TENM1: variants seen among roughly 807,000 people sequenced by gnomAD.
TENM1 encodes teneurin transmembrane protein 1.
In TENM1, 35 loss-of-function variants were observed where a neutral mutation model predicts 174.8. That is an observed-to-expected ratio of 0.20 (90% CI 0.15 to 0.27). The LOEUF (loss-of-function observed/expected upper bound fraction) is 0.27. Ranked by LOEUF, TENM1 falls within the 10% of genes least tolerant of loss-of-function variation. The pLI is 1.00. For missense variants in TENM1, 1,633 were observed against 2,130.1 expected (o/e 0.77, Z 4.59); for synonymous variants, 781 against 798.7 (o/e 0.98, Z 0.37).
At chrX:124,562,714 C>T (rs769751919) in intron 13 of TENM1, among the ~76,000 whole-genome samples, 1 of 112,733 alleles carries the variant, frequency 8.9e-6, no homozygotes, top group Non-Finnish European at 1.9e-5. Flanking sequence ...ACTTCACATG[C>T]GCCACATGCG....
chrX:125,088,353 G>C, the TENM1 span, among the ~76,000 whole-genome samples: 1 of 111,078 alleles, frequency 9.0e-6, no homozygotes. Context: ...ATGGGATCCT[G>C]CAACAGAAAA....
chrX:125,004,748 A>T, the TENM1 span, among the ~76,000 whole-genome samples: 2 of 111,997 alleles, frequency 1.8e-5, no homozygotes, highest in East Asian at 2.8e-4. Flanking sequence ...TAACTCCAAG[A>T]CATCATCATA....
intron 4 of TENM1, among the ~76,000 whole-genome samples, chrX:124,722,834 C>T (rs1227536738): frequency 2.5e-5 from 2 of 81,434 alleles, no homozygotes; most frequent in Non-Finnish European, 4.6e-5. Flanking sequence ...AGAGAGACTC[C>T]GTCTCAAAAA....
At chrX:124,864,724 C>T (rs1323781447) in intron 3 of TENM1, among the ~76,000 whole-genome samples, 1 of 110,529 alleles carries the variant, frequency 9.0e-6, no homozygotes, top group African/African-American at 3.3e-5. Context: ...CTTCCCAAAC[C>T]TAGAGAAACA....
the TENM1 span, among the ~76,000 whole-genome samples, chrX:125,183,859 G>C: frequency 1.8e-5 from 2 of 111,786 alleles, no homozygotes; most frequent in Non-Finnish European, 3.8e-5. Flanking sequence ...CAATTTAATT[G>C]CTAATCTTGA....
chrX:124,960,848 A>G (rs768618976), intron 1 of TENM1, among the ~76,000 whole-genome samples: 55 of 112,253 alleles, frequency 4.9e-4, no homozygotes, highest in African/African-American at 1.6e-3. Flanking sequence ...AGCCAAAAAC[A>G]TTTCCATAGG....
chrX:124,586,780 T>C (rs1472282425), intron 11 of TENM1, among the ~76,000 whole-genome samples: 1 of 105,983 alleles, frequency 9.4e-6, no homozygotes, highest in Non-Finnish European at 1.9e-5. Flanking sequence ...ATTGTATATC[T>C]AGAAAACCCC....
At chrX:125,163,255 T>G in the TENM1 span, among the ~76,000 whole-genome samples, 427 of 110,890 alleles carry the variant, frequency 3.9e-3, 2 homozygotes, top group Admixed American at 6.9e-3. Context: ...TGCCTCATAT[T>G]GCCCCACTCA....
chrX:125,086,372 G>A, the TENM1 span, among the ~76,000 whole-genome samples: 1 of 110,370 alleles, frequency 9.1e-6, no homozygotes. Context: ...AATTAATTTG[G>A]AATGTACTGT....
chrX:124,528,250 T>C (rs184941300), intron 16 of TENM1, among the ~76,000 whole-genome samples: 17 of 111,144 alleles, frequency 1.5e-4, no homozygotes, highest in Non-Finnish European at 1.9e-4. Flanking sequence ...GCATTTCACT[T>C]AAAACTAAAG....
the TENM1 span, among the ~76,000 whole-genome samples, chrX:125,089,486 G>A: frequency 3.6e-5 from 4 of 111,974 alleles, no homozygotes; most frequent in African/African-American, 1.3e-4. Flanking sequence ...TCTCAGTACT[G>A]TATGGTTTGG....
the TENM1 span, among the ~76,000 whole-genome samples, chrX:124,996,291 C>A: frequency 2.3e-4 from 25 of 110,819 alleles, no homozygotes; most frequent in African/African-American, 7.2e-4. Flanking sequence ...TTTCATGACA[C>A]AAAACCGTAA....
chrX:125,079,156 C>T, the TENM1 span, among the ~76,000 whole-genome samples: 1 of 111,524 alleles, frequency 9.0e-6, no homozygotes. Context: ...ACTAAATGAA[C>T]TTAAATAGCA....
At chrX:125,171,846 C>T in the TENM1 span, among the ~76,000 whole-genome samples, 1 of 111,736 alleles carries the variant, frequency 8.9e-6, no homozygotes, top group Admixed American at 9.5e-5. Flanking sequence ...CCTCAATATA[C>T]CATAAAAAGA....
intron 3 of TENM1, among the ~76,000 whole-genome samples, chrX:124,755,247 C>T (rs1295314936): frequency 9.1e-6 from 1 of 109,469 alleles, no homozygotes; most frequent in African/African-American, 3.4e-5. Context: ...ATGTAATGGC[C>T]TTCTTTGTCT....
chrX:125,161,440 G>C, the TENM1 span, among the ~76,000 whole-genome samples: 3 of 87,213 alleles, frequency 3.4e-5, no homozygotes, highest in African/African-American at 1.4e-4. Flanking sequence ...CACATAGAGG[G>C]CTGACTGCTC....
At chrX:124,933,593 C>G (rs1322206514) in intron 1 of TENM1, among the ~76,000 whole-genome samples, 1 of 111,924 alleles carries the variant, frequency 8.9e-6, no homozygotes, top group Non-Finnish European at 1.9e-5. Context: ...GTTAAAATTT[C>G]GACAGGCTTT....
intron 27 of TENM1, among the ~76,000 whole-genome samples, chrX:124,393,786 A>C (rs1358950601): frequency 1.8e-5 from 2 of 111,311 alleles, no homozygotes; most frequent in Non-Finnish European, 3.8e-5. Flanking sequence ...AAGAATGAAA[A>C]AGGAGAGACT....
At chrX:125,042,616 G>C in the TENM1 span, among the ~76,000 whole-genome samples, 1 of 111,456 alleles carries the variant, frequency 9.0e-6, no homozygotes, top group African/African-American at 3.3e-5. Context: ...GAACAAAAAT[G>C]CCTTAACTCT....
Sources: gnomAD v4.1 joint callset for allele counts (sites outside exome capture counted in the v4.1 genomes callset) on GRCh38, gnomAD v4.1.1 for gene constraint, MANE v1.5 for transcripts, NCBI Gene and HGNC (gene_info 2026-07-23, HGNC 2026-07-21) for gene names.